The following GOLIM4 variants were observed in gnomAD, a reference collection of about 807,000 sequenced individuals.
GOLIM4 encodes 130 kDa golgi-localized phosphoprotein.
In GOLIM4, 71 loss-of-function variants were observed where a neutral mutation model predicts 107.4. That is an observed-to-expected ratio of 0.66 (90% CI 0.55 to 0.81). The LOEUF is 0.81. GOLIM4 is among the 30% of genes least tolerant of loss of function. GOLIM4 has a pLI of 0.00. For synonymous variants in GOLIM4, 327 were observed against 294.8 expected (o/e 1.11, Z -1.12); for missense variants, 830 against 826.1 (o/e 1.00, Z -0.06).
intron 5 of GOLIM4, among the ~76,000 whole-genome samples, chr3:168,041,825 T>G (rs892813931): frequency 6.6e-6 from 1 of 152,100 alleles, no homozygotes; most frequent in Non-Finnish European, 1.5e-5. Flanking sequence ...GATTTGAGTC[T>G]CTTCACAAAT....
chr3:168,027,981 C>T (rs1718101825), intron 11 of GOLIM4, 144 bp from the exon 12 acceptor site: 1 of 633,724 alleles, frequency 1.6e-6, no homozygotes, highest in Non-Finnish European at 2.8e-6. Flanking sequence ...TATGTCCTGG[C>T]TTTTCTGAAT....
intron 1 of GOLIM4, among the ~76,000 whole-genome samples, chr3:168,083,421 CATG>C (rs1369926111): frequency 6.6e-6 from 1 of 152,166 alleles, no homozygotes. Context: ...TTCCCAAGGA[CATG>C]ATGTCTTCCA....
At chr3:168,029,038 T>C (rs1718162061) in intron 11 of GOLIM4, among the ~76,000 whole-genome samples, 185 bp downstream of exon 11, 1 of 152,218 alleles carries the variant, frequency 6.6e-6, no homozygotes, top group Non-Finnish European at 1.5e-5. Context: ...ACAGATTATC[T>C]TGAGCATTTT....
chr3:168,031,965 G>A (rs370826607), intron 9 of GOLIM4, among the ~76,000 whole-genome samples: 6 of 152,218 alleles, frequency 3.9e-5, no homozygotes, highest in Non-Finnish European at 7.4e-5. Context: ...AAAGTCTTAC[G>A]TGTAAGTGGC....
intron 1 of GOLIM4, among the ~76,000 whole-genome samples, 166 bp downstream of exon 1, chr3:168,094,933 C>T (rs1369019743): frequency 1.3e-5 from 2 of 152,184 alleles, no homozygotes; most frequent in Non-Finnish European, 2.9e-5. Context: ...AATGTCATCT[C>T]CCCTGACACT....
chr3:168,079,354 A>T (rs756086669), intron 1 of GOLIM4, among the ~76,000 whole-genome samples: 1 of 152,218 alleles, frequency 6.6e-6, no homozygotes, highest in Non-Finnish European at 1.5e-5. Flanking sequence ...ATTTACACAA[A>T]GTACAAAAAC....
intron 1 of GOLIM4, among the ~76,000 whole-genome samples, chr3:168,073,526 T>C (rs1323191884): frequency 1.3e-5 from 2 of 152,270 alleles, no homozygotes; most frequent in African/African-American, 2.4e-5. Flanking sequence ...ATTAGAATAG[T>C]GGGCATGGAC....
chr3:168,018,185 A>T (rs1237379913), intron 14 of GOLIM4, among the ~76,000 whole-genome samples: 1 of 152,194 alleles, frequency 6.6e-6, no homozygotes, highest in African/African-American at 2.4e-5. Context: ...ATAACACAAA[A>T]ATCACTTATT....
chr3:168,079,554 T>C (rs576631677), intron 1 of GOLIM4, among the ~76,000 whole-genome samples: 191 of 152,328 alleles, frequency 1.3e-3, no homozygotes, highest in African/African-American at 4.3e-3. Context: ...GTATGTAAGT[T>C]ACAATTCAAA....
chr3:168,034,355 T>G (rs1005484348), intron 8 of GOLIM4, among the ~76,000 whole-genome samples: 6 of 152,226 alleles, frequency 3.9e-5, no homozygotes, highest in African/African-American at 1.2e-4. Flanking sequence ...GGAAGATTAA[T>G]CCAGTAAACT....
chr3:168,048,548 C>G (rs1248020883), intron 1 of GOLIM4, among the ~76,000 whole-genome samples, 183 bp from the exon 2 acceptor site: 1 of 152,198 alleles, frequency 6.6e-6, no homozygotes, highest in African/African-American at 2.4e-5. Context: ...TTATTCTGGG[C>G]TGGCTCCCAT....
intron 1 of GOLIM4, among the ~76,000 whole-genome samples, chr3:168,049,711 A>G (rs1719507372): frequency 6.6e-6 from 1 of 152,044 alleles, no homozygotes; most frequent in Non-Finnish European, 1.5e-5. Context: ...CCCTTTCCCC[A>G]TCCCTGCAGC....
At chr3:168,012,529 A>G (rs1717110949) in intron 14 of GOLIM4, among the ~76,000 whole-genome samples, 1 of 138,546 alleles carries the variant, frequency 7.2e-6, no homozygotes, top group Non-Finnish European at 1.5e-5. Context: ...GATTCAGGAA[A>G]TACAGAGAAC....
At chr3:168,026,246 C>T (rs1717990114) in intron 12 of GOLIM4, among the ~76,000 whole-genome samples, 1 of 138,812 alleles carries the variant, frequency 7.2e-6, no homozygotes, top group South Asian at 2.1e-4. Context: ...CTAATTACTC[C>T]ACAATCTCTT....
chr3:168,094,186 A>G (rs1164491848), intron 1 of GOLIM4, among the ~76,000 whole-genome samples: 3 of 152,270 alleles, frequency 2.0e-5, no homozygotes, highest in African/African-American at 4.8e-5. Flanking sequence ...TTACGTTAAA[A>G]GTAAATTCAA....
At chr3:168,054,162 A>G (rs1001191216) in intron 1 of GOLIM4, among the ~76,000 whole-genome samples, 3 of 152,208 alleles carry the variant, frequency 2.0e-5, no homozygotes, top group African/African-American at 7.2e-5. Flanking sequence ...AATAAAATTC[A>G]ATCTTTTGAG....
Position 168,078,951 on chromosome 3 carries a change from T to C in GOLIM4, c.187+16148A>G, listed in dbSNP as rs562112469. ...ATTTAAGTTTCAGTTGTTTTTACTT[T>C]TGGTCATATTTTAAAATTTGTACTA... On this transcript the variant is annotated intron_variant, in intron 1 of 15. Coordinates refer to ENST00000470487, the MANE Select transcript of GOLIM4 (RefSeq NM_014498.5). Among the ~76,000 whole-genome samples the C allele has an allele frequency of 5.3e-5, 8 of 151,600 alleles. No individual in the cohort carries two copies. The East Asian group carries it at 1.4e-3, about 26-fold the overall frequency.
rs139244786 is a variant in GOLIM4, at chr3:168,050,053, C to T, written c.188-1688G>A. On this transcript the variant is annotated intron_variant, in intron 1 of 15. Transcript: ENST00000470487. ...TCTCAACTTTTCCCTCATCCGTAGG[C>T]AGTCATTGCAATAATCCCTGCCCCA... Among the ~76,000 whole-genome samples, 21 of 152,208 alleles carry T rather than the reference C, an allele frequency of 1.4e-4. No homozygotes were observed. The East Asian group carries it at 4.1e-3, about 29-fold the overall frequency.
chr3:168,085,984 G>A (rs1721599139), intron 1 of GOLIM4, among the ~76,000 whole-genome samples: 1 of 151,890 alleles, frequency 6.6e-6, no homozygotes, highest in Non-Finnish European at 1.5e-5. Context: ...GATACCTAAG[G>A]GGCCTCACCC....
Sources: allele counts gnomAD v4.1 joint callset (sites outside exome capture counted in the v4.1 genomes callset), GRCh38; gene constraint gnomAD v4.1.1; transcripts MANE v1.5; gene names NCBI Gene and HGNC (gene_info 2026-07-23, HGNC 2026-07-21).